Variants in C8orf34 observed in about 807,000 individuals in gnomAD.
The protein encoded by C8orf34 is uncharacterized protein C8orf34.
In C8orf34, 65 loss-of-function variants were observed where a neutral mutation model predicts 68.3. The ratio of observed to expected loss-of-function variants is 0.95; its 90% CI spans 0.78 to 1.17. The LOEUF (loss-of-function observed/expected upper bound fraction) is 1.17, where lower values mean the gene tolerates loss of function less well. Ranked by LOEUF, C8orf34 falls within the 50% of genes most tolerant of loss-of-function variation. C8orf34 has a pLI of 0.00. For missense variants in C8orf34, 664 were observed against 655.4 expected, an observed-to-expected ratio of 1.01 and a Z score of -0.14; for synonymous variants, 244 against 241.2, an observed-to-expected ratio of 1.01 and a Z score of -0.11.
Position 68,720,190 on chromosome 8 carries a change from G to A in C8orf34, c.1328-1171G>A, listed in dbSNP as rs143907197. On this transcript the variant is annotated intron_variant, in intron 9 of 13. Coordinates refer to ENST00000518698, the MANE Select transcript of C8orf34 (RefSeq NM_052958.4). ...AATTTGAGAATGATATGTCTCTCCC[G>A]AAGTCAGTTTTATGGTGGAAGGTAT... Among the ~76,000 whole-genome samples the A allele has an allele frequency of 9.2e-5, 14 of 151,960 alleles. No individual in the cohort carries two copies. The East Asian group carries it at 9.7e-4, about 10-fold the overall frequency.
intron 5 of C8orf34, among the ~76,000 whole-genome samples, chr8:68,508,972 G>A (rs956040632): frequency 5.2e-4 from 79 of 152,218 alleles, no homozygotes; most frequent in African/African-American, 1.8e-3. Flanking sequence ...GAAGAGGAGG[G>A]GCCAGGTTCC....
At chr8:68,526,927 C>G (rs768762125) in intron 6 of C8orf34, among the ~76,000 whole-genome samples, 1 of 152,188 alleles carries the variant, frequency 6.6e-6, no homozygotes, top group African/African-American at 2.4e-5. Flanking sequence ...AATGAAGGCT[C>G]AGGAGGCTCC....
chr8:68,722,718 T>A (rs1437895219), intron 10 of C8orf34, among the ~76,000 whole-genome samples: 1 of 152,064 alleles, frequency 6.6e-6, no homozygotes, highest in Non-Finnish European at 1.5e-5. Context: ...CAAGAATTTT[T>A]GTACATTTTT....
intron 1 of C8orf34, among the ~76,000 whole-genome samples, chr8:68,419,975 T>C (rs1476843834): frequency 9.2e-6 from 1 of 108,650 alleles, no homozygotes; most frequent in Non-Finnish European, 2.0e-5. Flanking sequence ...ACTTAAAGTA[T>C]AATAATAAAA....
chr8:68,707,488 A>G (rs1430246858), intron 8 of C8orf34, among the ~76,000 whole-genome samples: 2 of 152,208 alleles, frequency 1.3e-5, no homozygotes, highest in African/African-American at 4.8e-5. Context: ...ATTGATGCAT[A>G]CAACAAGCAA....
At chr8:68,532,863 T>C (rs2129828473) in intron 6 of C8orf34, 120 bp from the exon 7 acceptor site, 2 of 663,804 alleles carry the variant, frequency 3.0e-6, no homozygotes, top group Non-Finnish European at 2.5e-6. Flanking sequence ...ATTTCCATTA[T>C]CCTTGGGGAA....
At chr8:68,692,703 C>T (rs1263355659) in intron 8 of C8orf34, among the ~76,000 whole-genome samples, 2 of 152,026 alleles carry the variant, frequency 1.3e-5, no homozygotes, top group African/African-American at 4.8e-5. Context: ...TTTAGTGTTA[C>T]CTTTGTTCTC....
intron 7 of C8orf34, among the ~76,000 whole-genome samples, chr8:68,609,408 A>C (rs1158451525): frequency 6.6e-6 from 1 of 152,160 alleles, no homozygotes; most frequent in Non-Finnish European, 1.5e-5. Flanking sequence ...GAGAATAAGA[A>C]AACTAAGAAT....
chr8:68,365,015 A>G (rs1367471405), intron 1 of C8orf34, among the ~76,000 whole-genome samples: 1 of 151,442 alleles, frequency 6.6e-6, no homozygotes, highest in Non-Finnish European at 1.5e-5. Flanking sequence ...TAATAAAGAA[A>G]AAAAGAGAGA....
intron 7 of C8orf34, among the ~76,000 whole-genome samples, chr8:68,637,825 T>C (rs1238523111): frequency 6.6e-6 from 1 of 152,158 alleles, no homozygotes; most frequent in Non-Finnish European, 1.5e-5. Context: ...GTGGTCTCAT[T>C]TGATGAGACC....
At chr8:68,420,993 G>A (rs1295532949) in intron 1 of C8orf34, among the ~76,000 whole-genome samples, 2 of 152,086 alleles carry the variant, frequency 1.3e-5, no homozygotes, top group African/African-American at 4.8e-5. Flanking sequence ...GCAGAATAAT[G>A]ATTTGAAGAG....
intron 11 of C8orf34, among the ~76,000 whole-genome samples, chr8:68,783,301 C>T (rs897237537): frequency 9.9e-5 from 15 of 151,836 alleles, no homozygotes; most frequent in Non-Finnish European, 1.6e-4. Context: ...GGGTGGATCA[C>T]GAGGTCAGGA....
rs563414330 is a variant in C8orf34, at chr8:68,504,682, ATTTTTT to A, written c.765+16643_765+16648del. 8.4e-3 allele frequency among the ~76,000 whole-genome samples: 1,084 copies of A among 128,894 alleles called. 14 individuals are homozygous for A. The highest frequency in any genetic ancestry group is 0.029 in the African/African-American group (1,031 of 35,018). The allele number at this position is 128,894 out of a possible 152,430, so 84.6% of individuals were successfully genotyped here. A position where few individuals can be genotyped will look rare whatever the true frequency, so the allele number is the denominator to read the frequency against. On this transcript the variant is annotated intron_variant, in intron 5 of 13. Coordinates refer to ENST00000518698, the MANE Select transcript of C8orf34 (RefSeq NM_052958.4). The stretch of plus-strand genomic sequence containing the variant: ...TTACATGCATGTGTCACCATGCCTA[ATTTTTT>A]TTTTTTTTTTTGAGACAGTCTTGCT...
chr8:68,579,296 A>T (rs1278345046), intron 7 of C8orf34, among the ~76,000 whole-genome samples: 1 of 152,166 alleles, frequency 6.6e-6, no homozygotes, highest in Non-Finnish European at 1.5e-5. Context: ...GAATTTAAAA[A>T]TTTGCTTTTC....
intron 7 of C8orf34, among the ~76,000 whole-genome samples, chr8:68,603,452 A>G (rs969546776): frequency 2.0e-5 from 3 of 151,932 alleles, no homozygotes; most frequent in Non-Finnish European, 4.4e-5. Context: ...TTCATCTGGA[A>G]TATACCCAGA....
At chr8:68,381,247 A>ACT (rs1231149077) in intron 1 of C8orf34, among the ~76,000 whole-genome samples, 3 of 152,144 alleles carry the variant, frequency 2.0e-5, no homozygotes, top group Non-Finnish European at 2.9e-5. Context: ...CAAGTGCTCT[A>ACT]CTCTAAGTTT....
chr8:68,501,486 A>G (rs1375432541), intron 5 of C8orf34, among the ~76,000 whole-genome samples: 7 of 152,202 alleles, frequency 4.6e-5, no homozygotes, highest in African/African-American at 1.7e-4. Flanking sequence ...TACTTTCTTC[A>G]GAACAAGGCT....
At chr8:68,698,836 G>A (rs1390790246) in intron 8 of C8orf34, among the ~76,000 whole-genome samples, 7 of 152,004 alleles carry the variant, frequency 4.6e-5, no homozygotes, top group Non-Finnish European at 7.4e-5. Flanking sequence ...TTAGTGTTCA[G>A]CAAAAATTCA....
Position 68,810,941 on chromosome 8 carries a change from T to C in C8orf34, c.1550-4945T>C, listed in dbSNP as rs567166941. Reference sequence around the variant, plus strand: ...AAGTTCTCACTCTGGTCTGCAGAACTGGCAGCCCAGCCCCCAGGCTTCAGT... The same window carrying C: ...AAGTTCTCACTCTGGTCTGCAGAACCGGCAGCCCAGCCCCCAGGCTTCAGT... On this transcript the variant is annotated intron_variant, in intron 12 of 13. Coordinates refer to ENST00000518698, the MANE Select transcript of C8orf34 (RefSeq NM_052958.4). 1.3e-4 allele frequency among the ~76,000 whole-genome samples: 20 copies of C among 152,292 alleles called. No individual in the cohort carries two copies. In the East Asian group the frequency reaches 3.9e-3, roughly 30 times the overall value.
Sources: gnomAD v4.1 joint callset for allele counts (sites outside exome capture counted in the v4.1 genomes callset) on GRCh38, gnomAD v4.1.1 for gene constraint, MANE v1.5 for transcripts, NCBI Gene and HGNC (gene_info 2026-07-23, HGNC 2026-07-21) for gene names.